RASAL2: variants seen among roughly 807,000 people sequenced by gnomAD.
The protein encoded by RASAL2 is ras GTPase-activating protein nGAP.
A neutral mutation model predicts 128.9 loss-of-function variants in RASAL2; 58 were observed. The ratio of observed to expected loss-of-function variants is 0.45; its 90% CI spans 0.36 to 0.56. RASAL2 has a LOEUF of 0.56. RASAL2 is among the 20% of genes least tolerant of loss of function. The probability of loss-of-function intolerance (pLI) is 0.00; values close to 1 mark genes in which losing one functional copy is unlikely to be tolerated. For missense variants in RASAL2, 1,360 were observed against 1,601.6 expected, an observed-to-expected ratio of 0.85 and a Z score of 2.57; for synonymous variants, 561 against 580.8, an observed-to-expected ratio of 0.97 and a Z score of 0.49.
chr1:178,280,080 C>A (rs572020372), intron 1 of RASAL2, among the ~76,000 whole-genome samples: 1 of 152,232 alleles, frequency 6.6e-6, no homozygotes, highest in African/African-American at 2.4e-5. Flanking sequence ...GATTTGGTTT[C>A]AGATTACACA....
At chr1:178,262,790 C>T (rs921008818) in intron 1 of RASAL2, among the ~76,000 whole-genome samples, 20 of 148,964 alleles carry the variant, frequency 1.3e-4, no homozygotes, top group East Asian at 2.0e-4. Flanking sequence ...CCCTGCCCCC[C>T]ACTCATTTTT....
intron 1 of RASAL2, among the ~76,000 whole-genome samples, chr1:178,184,899 G>A (rs1558101946): frequency 3.3e-5 from 5 of 151,988 alleles, no homozygotes; most frequent in Non-Finnish European, 7.4e-5. Context: ...AGAACAAATA[G>A]GGAAGAATTG....
intron 3 of RASAL2, among the ~76,000 whole-genome samples, chr1:178,363,835 G>A (rs1164230983): frequency 2.6e-5 from 4 of 152,142 alleles, no homozygotes; most frequent in African/African-American, 7.2e-5. Flanking sequence ...GGTGGCTCAC[G>A]CCTGTAATCC....
intron 3 of RASAL2, among the ~76,000 whole-genome samples, chr1:178,371,114 T>C (rs955518847): frequency 2.0e-5 from 3 of 151,652 alleles, no homozygotes; most frequent in African/African-American, 7.3e-5. Context: ...CCTCTTCTGC[T>C]TGATTTTTCT....
At chr1:178,206,366 A>G (rs757129247) in intron 1 of RASAL2, among the ~76,000 whole-genome samples, 1 of 152,154 alleles carries the variant, frequency 6.6e-6, no homozygotes. Context: ...TTCCCTTTCT[A>G]CTAGTTAAAA....
At chr1:178,300,180 A>G (rs1667703934) in intron 3 of RASAL2, 62 bp downstream of exon 3, 2 of 1,499,266 alleles carry the variant, frequency 1.3e-6, no homozygotes, top group Admixed American at 2.1e-5. Flanking sequence ...TGGACTTGTT[A>G]CTGAGTAAAA....
intron 1 of RASAL2, among the ~76,000 whole-genome samples, chr1:178,145,238 T>C (rs1660684291): frequency 6.6e-6 from 1 of 152,158 alleles, no homozygotes; most frequent in Non-Finnish European, 1.5e-5. Context: ...GGCATTTGAC[T>C]CATTTGGGAC....
chr1:178,324,901 G>GCCA (rs1275342120), intron 3 of RASAL2, among the ~76,000 whole-genome samples: 3 of 152,048 alleles, frequency 2.0e-5, no homozygotes, highest in African/African-American at 7.2e-5. Context: ...GGCTTGTTAT[G>GCCA]ACCCCCTTGG....
chr1:178,378,933 G>A (rs964338577), intron 3 of RASAL2, among the ~76,000 whole-genome samples: 1 of 151,786 alleles, frequency 6.6e-6, no homozygotes, highest in African/African-American at 2.4e-5. Context: ...TGATGAAATG[G>A]AAAATAGAAA....
chr1:178,220,119 G>GCTGT (rs1663567005), intron 1 of RASAL2, among the ~76,000 whole-genome samples: 1 of 152,092 alleles, frequency 6.6e-6, no homozygotes, highest in East Asian at 1.9e-4. Flanking sequence ...GCTTCCTGAG[G>GCTGT]CTGTCACCAG....
chr1:178,159,436 G>T (rs931860441), intron 1 of RASAL2, among the ~76,000 whole-genome samples: 3 of 152,120 alleles, frequency 2.0e-5, no homozygotes, highest in African/African-American at 7.2e-5. Context: ...CTTTCTCTTG[G>T]CTGGCCAGTC....
intron 1 of RASAL2, among the ~76,000 whole-genome samples, chr1:178,242,679 T>C (rs181386401): frequency 2.6e-5 from 4 of 152,242 alleles, no homozygotes; most frequent in Admixed American, 2.6e-4. Context: ...GAATACCCTT[T>C]TAGCTCTACT....
At chr1:178,367,539 A>C (rs922455513) in intron 3 of RASAL2, among the ~76,000 whole-genome samples, 42 of 152,240 alleles carry the variant, frequency 2.8e-4, no homozygotes, top group African/African-American at 9.4e-4. Context: ...TTTGTTCACA[A>C]CTGTATGTGG....
At chr1:178,136,000 G>A (rs1660312295) in intron 1 of RASAL2, among the ~76,000 whole-genome samples, 1 of 152,142 alleles carries the variant, frequency 6.6e-6, no homozygotes, top group Non-Finnish European at 1.5e-5. Flanking sequence ...TTTGGGTGGG[G>A]ACACAGAGAC....
chr1:178,264,638 G>A (rs1665862698), intron 1 of RASAL2, among the ~76,000 whole-genome samples: 1 of 152,180 alleles, frequency 6.6e-6, no homozygotes, highest in African/African-American at 2.4e-5. Context: ...ATAGGGCAAG[G>A]TCTGGAAGAT....
chr1:178,132,085 C>G (rs1660140048), intron 1 of RASAL2, among the ~76,000 whole-genome samples: 1 of 151,806 alleles, frequency 6.6e-6, no homozygotes, highest in African/African-American at 2.4e-5. Context: ...TTTTCCTTCT[C>G]TTAGAGTCTT....
intron 2 of RASAL2, among the ~76,000 whole-genome samples, chr1:178,285,005 C>G (rs1456136507): frequency 6.6e-6 from 1 of 151,772 alleles, no homozygotes; most frequent in African/African-American, 2.4e-5. Context: ...CTTCTCTTAC[C>G]TATCCCTTCT....
At chr1:178,124,678 A>C (rs1427804676) in intron 1 of RASAL2, among the ~76,000 whole-genome samples, 2 of 152,140 alleles carry the variant, frequency 1.3e-5, no homozygotes, top group African/African-American at 4.8e-5. Context: ...CTTTAGTAAG[A>C]TTTTTAATAA....
In RASAL2 at chr1:178,094,693, C is replaced by T. The variant is rs1658605696; in HGVS notation, c.201C>T (p.Tyr67=). 2 of 1,613,988 alleles carry T rather than the reference C, an allele frequency of 1.2e-6. No individual in the cohort carries two copies. Among genetic ancestry groups the T allele is most frequent in the Non-Finnish European group, 1.7e-6 (2 of 1,180,012 alleles). Reference sequence around the variant, plus strand: ...AGCAACAGAGCTGGGTCCGGGTGTACGGTAAGGACCACAGGCCGTCTTAGA... The same window carrying T: ...AGCAACAGAGCTGGGTCCGGGTGTATGGTAAGGACCACAGGCCGTCTTAGA... ...VCQQQSWVRV[Y]DVKGPPTHRL... The change falls in exon 1 of 18, where the codon TAC becomes TAT. Residue 67 remains tyrosine, a splice_region_variant and synonymous_variant. Transcript: ENST00000367649.
Sources: allele counts gnomAD v4.1 joint callset (sites outside exome capture counted in the v4.1 genomes callset), GRCh38; gene constraint gnomAD v4.1.1; transcripts MANE v1.5; gene names NCBI Gene and HGNC (gene_info 2026-07-23, HGNC 2026-07-21).